Variants in RPS27A observed in about 807,000 individuals in gnomAD.
RPS27A encodes the protein ribosomal protein S27a.
Under a neutral mutation model 18.9 loss-of-function variants are expected in RPS27A, and 1 was observed. The observed-to-expected ratio is 0.05, with a 90% CI of 0.02 to 0.25. RPS27A has a LOEUF of 0.25. Among genes scored for constraint, RPS27A ranks in the 10% least tolerant of loss-of-function variants. RPS27A has a pLI of 1.00. For synonymous variants in RPS27A, 77 were observed against 63.7 expected, an observed-to-expected ratio of 1.21 and a Z score of -0.99; for missense variants, 123 against 187.4, an observed-to-expected ratio of 0.66 and a Z score of 2.01.
Position 55,235,842 on chromosome 2 carries a change from G to A in RPS27A, c.*265G>A. ...GCAGAAGTTATATTTAATGTAAGTT[G>A]TCTAAATATAAGCCAGTTTGTGTTT... On this transcript the variant is annotated 3_prime_UTR_variant, in exon 6 of 6. Transcript: ENST00000272317. 2.0e-6 allele frequency: 1 copy of A among 494,774 alleles called. No homozygotes were observed. Among genetic ancestry groups the A allele is most frequent in the Middle Eastern group, 5.8e-4 (1 of 1,734 alleles). The allele number at this position is 494,774 out of a possible 1,614,324, so 30.6% of individuals were successfully genotyped here.
Position 55,235,766 on chromosome 2 carries a change from A to C in RPS27A, c.*189A>C. 1 of 649,608 alleles carries C rather than the reference A, an allele frequency of 1.5e-6. No individual in the cohort carries two copies. Among genetic ancestry groups the C allele is most frequent in the Middle Eastern group, 4.2e-4 (1 of 2,392 alleles). The allele number at this position is 649,608 out of a possible 1,614,324, so 40.2% of individuals were successfully genotyped here. A position where few individuals can be genotyped will look rare whatever the true frequency, so the allele number is the denominator to read the frequency against. On this transcript the variant is annotated 3_prime_UTR_variant, in exon 6 of 6. Coordinates refer to ENST00000272317, the MANE Select transcript of RPS27A (RefSeq NM_002954.6). ...GGTTCTGTATACCTGCCAGGTGCCA[A>C]CCACTTGTAAAGGTCTTGATATTTT...
At chr2:55,233,029 A>C in intron 2 of RPS27A, 157 bp downstream of exon 2, 1 of 735,194 alleles carries the variant, frequency 1.4e-6, no homozygotes, top group South Asian at 1.5e-5. Context: ...GCAACGACCT[A>C]GAGGTGATTT....
intron 5 of RPS27A, 174 bp from the exon 6 acceptor site, chr2:55,235,254 T>G: frequency 1.2e-6 from 1 of 805,944 alleles, no homozygotes; most frequent in Non-Finnish European, 2.0e-6. Flanking sequence ...GTCCCAAGAC[T>G]TCTGAATGTT....
At position 55,235,713 on chromosome 2, in the gene RPS27A, G is replaced by A. The variant is rs1296300126; in HGVS notation, c.*136G>A. The stretch of plus-strand genomic sequence containing the variant: ...GTGCTACTGCTATCGCTGTGTGAAT[G>A]TTGCCTCTGGGGATTATGTGACCCA... On this transcript the variant is annotated 3_prime_UTR_variant, in exon 6 of 6. Transcript: ENST00000272317. 3 of 1,016,756 alleles carry A rather than the reference G, an allele frequency of 3.0e-6. No homozygotes were observed. Among genetic ancestry groups the A allele is most frequent in the African/African-American group, 1.6e-5 (1 of 63,314 alleles). 63.0% of individuals were successfully genotyped at this position (1,016,756 alleles called of 1,614,324 possible). A position where few individuals can be genotyped will look rare whatever the true frequency, so the allele number is the denominator to read the frequency against.
At chr2:55,232,735 C>T (rs1468558100) in intron 1 of RPS27A, 27 bp downstream of exon 1, 1 of 1,220,804 alleles carries the variant, frequency 8.2e-7, no homozygotes. Context: ...CGGCTGCTCT[C>T]GGGTTAGCAC....
intron 5 of RPS27A, 182 bp from the exon 6 acceptor site, chr2:55,235,246 C>T: frequency 2.6e-6 from 2 of 782,000 alleles, no homozygotes; most frequent in Non-Finnish European, 4.1e-6. Flanking sequence ...GTTCAAAAGT[C>T]CCAAGACTTC....
rs1258186204 is a variant in RPS27A, at chr2:55,235,601, G to A, written c.*24G>A. On this transcript the variant is annotated 3_prime_UTR_variant, in exon 6 of 6. Coordinates refer to ENST00000272317, the MANE Select transcript of RPS27A (RefSeq NM_002954.6). ...AACTGTATGAGTTAATAAAAGACAT[G>A]AACTAACATTTATTGTTGGGTTTTA... 1 of 1,598,006 alleles carries A rather than the reference G, an allele frequency of 6.3e-7. No individual in the cohort carries two copies. The highest frequency in any genetic ancestry group is 8.5e-7 in the Non-Finnish European group (1 of 1,179,294).
chr2:55,235,316 G>A (rs1420855253), intron 5 of RPS27A, 112 bp from the exon 6 acceptor site: 19 of 1,200,220 alleles, frequency 1.6e-5, no homozygotes, highest in Non-Finnish European at 2.2e-5. Context: ...TGGTTTGTAA[G>A]CACCAAAACC....
At chr2:55,235,064 T>C in intron 5 of RPS27A, 102 bp downstream of exon 5, 1 of 1,274,520 alleles carries the variant, frequency 7.8e-7, no homozygotes, top group Non-Finnish European at 1.1e-6. Context: ...AAACACCCAA[T>C]ATTATCCCAC....
At chr2:55,233,110 G>C in intron 2 of RPS27A, 2 of 638,680 alleles carry the variant, frequency 3.1e-6, no homozygotes, top group East Asian at 2.7e-5. Context: ...GAGGAGCTGC[G>C]GTGGGGAAGG....
At chr2:55,235,021 C>T in intron 5 of RPS27A, 59 bp downstream of exon 5, 5 of 1,561,902 alleles carry the variant, frequency 3.2e-6, no homozygotes, top group Non-Finnish European at 4.4e-6. Context: ...AAAACTTAAT[C>T]TTTATAGTAC....
Position 55,232,793 on chromosome 2 carries a change from T to G in RPS27A, c.-17-15T>G. The G allele has an allele frequency of 3.1e-6, 5 of 1,604,816 alleles. No homozygotes were observed. Among genetic ancestry groups the G allele is most frequent in the Non-Finnish European group, 4.3e-6 (5 of 1,174,496 alleles). On this transcript the variant is annotated splice_polypyrimidine_tract_variant and intron_variant, in intron 1 of 5. Coordinates refer to ENST00000272317, the MANE Select transcript of RPS27A (RefSeq NM_002954.6). ...TCCCTGACCTAACCTGTCTCTTCCTTTTCCTCAACCTCAGGTGGAGCCGCC... is the reference window on the plus strand; with the variant it reads ...TCCCTGACCTAACCTGTCTCTTCCTGTTCCTCAACCTCAGGTGGAGCCGCC...
intron 5 of RPS27A, 130 bp downstream of exon 5, chr2:55,235,092 A>G: frequency 9.9e-7 from 1 of 1,005,546 alleles, no homozygotes; most frequent in African/African-American, 1.6e-5. Context: ...TAAATGAGGT[A>G]TTCTGGAAAT....
intron 3 of RPS27A, chr2:55,233,702 T>C (rs1675627342): frequency 4.1e-6 from 2 of 493,114 alleles, no homozygotes; most frequent in East Asian, 7.7e-5. Flanking sequence ...TGTCCCGGCT[T>C]ACTGCAGCCT....
chr2:55,232,508 C>G (rs1675514660), upstream of RPS27A: 2 of 462,020 alleles, frequency 4.3e-6, no homozygotes, highest in African/African-American at 2.0e-5. Flanking sequence ...GAAAGCATTC[C>G]GAAGGCTAAA....
intron 5 of RPS27A, 179 bp downstream of exon 5, chr2:55,235,141 T>C (rs910806308): frequency 1.9e-5 from 15 of 794,970 alleles, no homozygotes; most frequent in Non-Finnish European, 2.6e-5. Flanking sequence ...CTGTTTGGTA[T>C]TTGAAATCAG....
At chr2:55,233,518 G>C (rs1371666778) in intron 3 of RPS27A, 101 bp downstream of exon 3, 1 of 812,938 alleles carries the variant, frequency 1.2e-6, no homozygotes, top group Non-Finnish European at 2.1e-6. Context: ...GAAGGGGTCA[G>C]ATTGACAAAG....
upstream of RPS27A, chr2:55,232,253 A>C (rs1446661553): frequency 1.6e-5 from 3 of 181,892 alleles, no homozygotes; most frequent in Non-Finnish European, 3.6e-5. Flanking sequence ...CTTTTCTCCA[A>C]ACACCGACTT....
intron 2 of RPS27A, 53 bp from the exon 3 acceptor site, chr2:55,233,310 C>G (rs897748304): frequency 2.8e-6 from 4 of 1,413,902 alleles, no homozygotes; most frequent in African/African-American, 2.8e-5. Context: ...TAAATGAGTT[C>G]TGCTGTAGTT....
Sources: gnomAD v4.1 joint callset for allele counts on GRCh38, gnomAD v4.1.1 for gene constraint, MANE v1.5 for transcripts, NCBI Gene and HGNC (gene_info 2026-07-23, HGNC 2026-07-21) for gene names.